Variants in POF1B observed in about 807,000 individuals in gnomAD.
POF1B encodes protein POF1B.
POF1B carries 53 observed loss-of-function variants against 55.3 expected under a neutral mutation model. The observed-to-expected ratio is 0.96, with a 90% CI of 0.77 to 1.20. The LOEUF is 1.20. POF1B is among the 50% of genes most tolerant of loss of function. POF1B has a pLI of 0.00. For synonymous variants in POF1B, 188 were observed against 148.3 expected, an observed-to-expected ratio of 1.27 and a Z score of -1.95; for missense variants, 478 against 420.5, an observed-to-expected ratio of 1.14 and a Z score of -1.20.
intron 4 of POF1B, among the ~76,000 whole-genome samples, chrX:85,356,620 T>G (rs1048077314): frequency 9.0e-6 from 1 of 110,866 alleles, no homozygotes; most frequent in Non-Finnish European, 1.9e-5. Flanking sequence ...AATCAAAAAT[T>G]GATTTAAATA....
At chrX:85,306,031 T>C (rs1932566021) in intron 12 of POF1B, 121 bp from the exon 13 acceptor site, 1 of 987,077 alleles carries the variant, frequency 1.0e-6, no homozygotes, top group South Asian at 2.4e-5. Context: ...ATAATGAAAG[T>C]GATTTTCAGG....
At chrX:85,291,885 C>T (rs897514407) in intron 15 of POF1B, among the ~76,000 whole-genome samples, 3 of 111,246 alleles carry the variant, frequency 2.7e-5, no homozygotes, top group Non-Finnish European at 5.6e-5. Context: ...AGTTTGACTT[C>T]CTCTCTTCCT....
intron 15 of POF1B, among the ~76,000 whole-genome samples, chrX:85,301,148 A>G (rs979305856): frequency 3.6e-5 from 4 of 111,957 alleles, no homozygotes; most frequent in African/African-American, 1.3e-4. Flanking sequence ...CTGCACATCA[A>G]AGAAGCTCAG....
intron 15 of POF1B, among the ~76,000 whole-genome samples, chrX:85,293,043 T>A (rs1337090224): frequency 9.0e-6 from 1 of 111,585 alleles, no homozygotes; most frequent in Non-Finnish European, 1.9e-5. Context: ...GCTGGTGAGG[T>A]TGTGGAGTAA....
intron 7 of POF1B, among the ~76,000 whole-genome samples, chrX:85,330,516 GA>G (rs1932957656): frequency 9.0e-6 from 1 of 111,575 alleles, no homozygotes; most frequent in Admixed American, 9.6e-5. Flanking sequence ...CCTTGCCCAA[GA>G]TGTTGCTTGT....
chrX:85,320,510 C>T lies in POF1B; in HGVS notation c.855-4776G>A, dbSNP rs182678168. ...AGCAGGAAAGATCCAAAATTGACAC[C>T]GTAACATCACAATTAAAAGAACTAA... is the stretch of plus-strand genomic sequence containing the variant. On this transcript the variant is annotated intron_variant, in intron 7 of 16. Coordinates refer to ENST00000262753, the MANE Select transcript of POF1B (RefSeq NM_024921.4). Among the ~76,000 whole-genome samples the T allele has an allele frequency of 8.1e-3, 896 of 110,358 alleles. 4 individuals carry two copies. Among genetic ancestry groups the T allele is most frequent in the Middle Eastern group, 0.014 (3 of 216 alleles).
chrX:85,284,435 A>G lies in POF1B; in HGVS notation c.1650-2118T>C, dbSNP rs1026731965. 9.8e-5 allele frequency among the ~76,000 whole-genome samples: 11 copies of G among 112,270 alleles called. No homozygotes were observed. The East Asian group carries it at 2.8e-3, about 29-fold the overall frequency. ...ACAATGCTACAGTAACCAAAACAGC[A>G]TGGTACTGGTACCAAAACAGAAATA... On this transcript the variant is annotated intron_variant, in intron 15 of 16. Transcript: ENST00000262753.
intron 7 of POF1B, among the ~76,000 whole-genome samples, chrX:85,328,319 T>C (rs1156929179): frequency 1.8e-5 from 2 of 108,573 alleles, no homozygotes; most frequent in Non-Finnish European, 3.8e-5. Flanking sequence ...ATTCTCCTGC[T>C]TTAGCCTCCT....
intron 16 of POF1B, 129 bp downstream of exon 16, chrX:85,282,074 T>C (rs1345535429): frequency 1.2e-6 from 1 of 848,913 alleles, no homozygotes; most frequent in African/African-American, 2.2e-5. Context: ...TGTATATCAA[T>C]AATGGAAACA....
At position 85,314,512 on chromosome X, in the gene POF1B, A is replaced by G; in HGVS notation, c.883-6T>C. ...AATGATTCAATGTCTTCCGACTGTA[A>G]GAAAAAAAGGCTTATCCATGGAACA... On this transcript the variant is annotated splice_region_variant and splice_polypyrimidine_tract_variant and intron_variant, in intron 8 of 16. Coordinates refer to ENST00000262753, the MANE Select transcript of POF1B (RefSeq NM_024921.4). The G allele has an allele frequency of 1.7e-6, 2 of 1,179,553 alleles. No homozygotes were observed. The highest frequency in any genetic ancestry group is 2.3e-6 in the Non-Finnish European group (2 of 877,428).
In POF1B at chrX:85,308,220, C is replaced by T; in HGVS notation, c.958-4G>A. ...ACTTATCAGACATACCCCTCATCTG[C>T]AGGAAGAAAGGATTAATGGTTTAGT... is the stretch of plus-strand genomic sequence containing the variant. On this transcript the variant is annotated splice_polypyrimidine_tract_variant and splice_region_variant and intron_variant, in intron 9 of 16. Transcript: ENST00000262753. 5 of 1,113,769 alleles carry T rather than the reference C, an allele frequency of 4.5e-6. No homozygotes were observed. Among genetic ancestry groups the T allele is most frequent in the Non-Finnish European group, 6.0e-6 (5 of 830,942 alleles). The allele number at this position is 1,113,769 out of a possible 1,213,427, so 91.8% of individuals were successfully genotyped here.
chrX:85,346,711 G>T (rs1933279717), intron 5 of POF1B, among the ~76,000 whole-genome samples: 1 of 110,484 alleles, frequency 9.1e-6, no homozygotes, highest in South Asian at 3.8e-4. Flanking sequence ...GGGGTGCTAT[G>T]AGGAGTAAAT....
At chrX:85,287,470 G>T (rs1932082260) in intron 15 of POF1B, among the ~76,000 whole-genome samples, 1 of 111,076 alleles carries the variant, frequency 9.0e-6, no homozygotes, top group Non-Finnish European at 1.9e-5. Flanking sequence ...GCAATTTTAT[G>T]CCAAAAACTT....
At chrX:85,372,863 T>C (rs1369624498) in intron 2 of POF1B, among the ~76,000 whole-genome samples, 2 of 107,275 alleles carry the variant, frequency 1.9e-5, no homozygotes, top group Non-Finnish European at 3.8e-5. Context: ...TCAGATGATG[T>C]GCAAATGGCC....
chrX:85,352,640 G>T (rs1933412089), intron 4 of POF1B, among the ~76,000 whole-genome samples: 1 of 111,281 alleles, frequency 9.0e-6, no homozygotes. Context: ...TATTTAGAAA[G>T]ACTTCCCTAG....
At chrX:85,284,546 T>G (rs1213128838) in intron 15 of POF1B, among the ~76,000 whole-genome samples, 1 of 111,364 alleles carries the variant, frequency 9.0e-6, no homozygotes, top group Non-Finnish European at 1.9e-5. Context: ...ACAAAAACAA[T>G]AAATGGGGAA....
At chrX:85,311,224 T>G (rs1932688495) in intron 9 of POF1B, among the ~76,000 whole-genome samples, 1 of 111,561 alleles carries the variant, frequency 9.0e-6, no homozygotes, top group South Asian at 3.8e-4. Context: ...TTATTATACT[T>G]TAAGTTCTGG....
intron 3 of POF1B, among the ~76,000 whole-genome samples, chrX:85,363,250 G>A (rs1933658401): frequency 9.0e-6 from 1 of 110,965 alleles, no homozygotes. Context: ...ATTTCCTTGA[G>A]TTCAGCAATG....
chrX:85,293,906 A>T (rs1384321363), intron 15 of POF1B, among the ~76,000 whole-genome samples: 1 of 109,371 alleles, frequency 9.1e-6, no homozygotes, highest in African/African-American at 3.3e-5. Flanking sequence ...TGTGGGAATC[A>T]GTGGTTGCAG....
Sources: gnomAD v4.1 joint callset for allele counts (sites outside exome capture counted in the v4.1 genomes callset) on GRCh38, gnomAD v4.1.1 for gene constraint, MANE v1.5 for transcripts, NCBI Gene and HGNC (gene_info 2026-07-23, HGNC 2026-07-21) for gene names.